Variants in PLCXD3 observed in about 807,000 individuals in gnomAD.
PLCXD3 encodes the protein PI-PLC X domain-containing protein 3.
Under a neutral mutation model 25.5 loss-of-function variants are expected in PLCXD3, and 19 were observed. That is an observed-to-expected ratio of 0.75 (90% CI 0.52 to 1.09). The LOEUF is 1.09. PLCXD3 is among the 50% of genes least tolerant of loss of function. The pLI is 0.00. For missense variants in PLCXD3, 411 were observed against 388.1 expected, an observed-to-expected ratio of 1.06 and a Z score of -0.50; for synonymous variants, 174 against 137.6, an observed-to-expected ratio of 1.26 and a Z score of -1.85.
intron 2 of PLCXD3, among the ~76,000 whole-genome samples, chr5:41,350,113 G>A (rs1356572182): frequency 1.3e-5 from 2 of 151,736 alleles, no homozygotes; most frequent in African/African-American, 4.8e-5. Context: ...CATCACAAGA[G>A]ACCATAATAT....
intron 2 of PLCXD3, among the ~76,000 whole-genome samples, chr5:41,320,300 C>T (rs990519845): frequency 6.6e-6 from 1 of 151,758 alleles, no homozygotes; most frequent in Admixed American, 6.6e-5. Context: ...AAAGACACAC[C>T]TAAAAACAAA....
intron 1 of PLCXD3, among the ~76,000 whole-genome samples, chr5:41,490,580 G>A (rs1214208343): frequency 1.3e-5 from 2 of 152,078 alleles, no homozygotes; most frequent in Non-Finnish European, 2.9e-5. Flanking sequence ...TATTTTTGTT[G>A]GTAAGCTATT....
At chr5:41,462,993 G>A (rs1460081414) in intron 1 of PLCXD3, among the ~76,000 whole-genome samples, 1 of 151,944 alleles carries the variant, frequency 6.6e-6, no homozygotes, top group African/African-American at 2.4e-5. Context: ...GGAAATAGCA[G>A]ATGCAGGACT....
Position 41,427,269 on chromosome 5 carries a change from T to C in PLCXD3, c.104-44735A>G, listed in dbSNP as rs116666745. On this transcript the variant is annotated intron_variant, in intron 1 of 2. Coordinates refer to ENST00000377801, the MANE Select transcript of PLCXD3 (RefSeq NM_001005473.3). ...TACTCATGACTCTTATCCTCTAGTT[T>C]GTATTCCATCCCTTTCCCTCAGAGT... Among the ~76,000 whole-genome samples, 620 of 152,282 alleles carry C rather than the reference T, an allele frequency of 4.1e-3. 5 individuals are homozygous for C. Among genetic ancestry groups the C allele is most frequent in the African/African-American group, 0.014 (599 of 41,580 alleles).
At chr5:41,344,508 T>A (rs866538527) in intron 2 of PLCXD3, among the ~76,000 whole-genome samples, 1 of 152,168 alleles carries the variant, frequency 6.6e-6, no homozygotes, top group Admixed American at 6.5e-5. Flanking sequence ...ATTTTTGTTA[T>A]AAGTTTTATA....
intron 2 of PLCXD3, among the ~76,000 whole-genome samples, chr5:41,370,728 C>T (rs1422647875): frequency 1.3e-5 from 2 of 152,076 alleles, no homozygotes; most frequent in Non-Finnish European, 2.9e-5. Context: ...CAGGGGCACC[C>T]ATGCAAACAA....
At chr5:41,375,370 G>C (rs1745260000) in intron 2 of PLCXD3, among the ~76,000 whole-genome samples, 1 of 152,014 alleles carries the variant, frequency 6.6e-6, no homozygotes, top group South Asian at 2.1e-4. Flanking sequence ...TAGGTTTTCT[G>C]TTTATCCTCT....
intron 1 of PLCXD3, among the ~76,000 whole-genome samples, chr5:41,437,466 G>A (rs1484892933): frequency 6.6e-6 from 1 of 152,212 alleles, no homozygotes; most frequent in East Asian, 1.9e-4. Context: ...GAAGAGGTGA[G>A]GGAAGACCTT....
intron 1 of PLCXD3, among the ~76,000 whole-genome samples, chr5:41,409,727 T>C (rs1298871093): frequency 3.9e-5 from 6 of 152,234 alleles, no homozygotes; most frequent in Non-Finnish European, 5.9e-5. Flanking sequence ...CTGCCACTAG[T>C]ACATGAAAGA....
intron 2 of PLCXD3, among the ~76,000 whole-genome samples, chr5:41,320,709 G>A (rs921203613): frequency 1.3e-5 from 2 of 152,162 alleles, no homozygotes; most frequent in African/African-American, 4.8e-5. Context: ...TGTTAGCCAG[G>A]ATGGTCTCGA....
chr5:41,431,258 C>T (rs1747093118), intron 1 of PLCXD3, among the ~76,000 whole-genome samples: 1 of 152,166 alleles, frequency 6.6e-6, no homozygotes, highest in Non-Finnish European at 1.5e-5. Context: ...GATAGAACCA[C>T]TGGCCTATTC....
chr5:41,438,096 G>A (rs1213826819), intron 1 of PLCXD3, among the ~76,000 whole-genome samples: 2 of 152,134 alleles, frequency 1.3e-5, no homozygotes, highest in South Asian at 2.1e-4. Flanking sequence ...AAGTTGTTTG[G>A]AAAGGTGACC....
chr5:41,395,913 C>T (rs889037631), intron 1 of PLCXD3, among the ~76,000 whole-genome samples: 3 of 150,422 alleles, frequency 2.0e-5, no homozygotes, highest in Non-Finnish European at 3.0e-5. Flanking sequence ...TCAAACTATT[C>T]TAAAAATAGA....
At chr5:41,423,785 C>G (rs1333827904) in intron 1 of PLCXD3, among the ~76,000 whole-genome samples, 3 of 151,754 alleles carry the variant, frequency 2.0e-5, no homozygotes, top group Non-Finnish European at 4.4e-5. Context: ...CATTTTTTTT[C>G]TCCTTTATTG....
At chr5:41,407,378 A>C (rs1052003343) in intron 1 of PLCXD3, among the ~76,000 whole-genome samples, 1 of 152,228 alleles carries the variant, frequency 6.6e-6, no homozygotes, top group Non-Finnish European at 1.5e-5. Flanking sequence ...GATGATCAAC[A>C]TGACAAGAAA....
At chr5:41,497,199 G>A (rs1748860555) in intron 1 of PLCXD3, among the ~76,000 whole-genome samples, 1 of 151,672 alleles carries the variant, frequency 6.6e-6, no homozygotes, top group African/African-American at 2.4e-5. Flanking sequence ...TAACAAGACA[G>A]CAATAGTAAG....
At chr5:41,326,941 C>T (rs900624281) in intron 2 of PLCXD3, among the ~76,000 whole-genome samples, 5 of 152,040 alleles carry the variant, frequency 3.3e-5, no homozygotes, top group Non-Finnish European at 7.3e-5. Context: ...GCAAAATAGA[C>T]GTAAACCCAC....
chr5:41,470,598 T>C (rs996290068), intron 1 of PLCXD3, among the ~76,000 whole-genome samples: 8 of 152,122 alleles, frequency 5.3e-5, no homozygotes, highest in African/African-American at 1.9e-4. Context: ...AGGCATACCA[T>C]GGAAATTGAA....
At chr5:41,446,060 C>A (rs960078820) in intron 1 of PLCXD3, among the ~76,000 whole-genome samples, 2 of 149,228 alleles carry the variant, frequency 1.3e-5, no homozygotes, top group Non-Finnish European at 3.0e-5. Flanking sequence ...TAGTGGCGGG[C>A]GCCTGTAGTC....
Sources: allele counts gnomAD v4.1 joint callset (sites outside exome capture counted in the v4.1 genomes callset), GRCh38; gene constraint gnomAD v4.1.1; transcripts MANE v1.5; gene names NCBI Gene and HGNC (gene_info 2026-07-23, HGNC 2026-07-21).